Variants in DNAH12 observed in about 807,000 individuals in gnomAD.
DNAH12 encodes dynein axonemal heavy chain 12, also known as axonemal beta dynein heavy chain 12.
In DNAH12, 285 loss-of-function variants were observed where a neutral mutation model predicts 371.5. The observed-to-expected ratio is 0.77, with a 90% CI of 0.70 to 0.85. The LOEUF is 0.85. Among genes scored for constraint, DNAH12 ranks in the 40% least tolerant of loss-of-function variants. The pLI, the probability that DNAH12 is intolerant of heterozygous loss-of-function variation, is 0.00. For missense variants in DNAH12, 3,611 were observed against 3,689.4 expected (o/e 0.98, Z 0.55); for synonymous variants, 1,200 against 1,213.0 (o/e 0.99, Z 0.22).
At chr3:57,502,690 C>T (rs1272053797) in intron 9 of DNAH12, among the ~76,000 whole-genome samples, 1 of 152,158 alleles carries the variant, frequency 6.6e-6, no homozygotes, top group African/African-American at 2.4e-5. Context: ...GCTAGGATTA[C>T]AGGCGCACGC....
the DNAH12 span, among the ~76,000 whole-genome samples, chr3:57,549,388 G>A: frequency 3.0e-4 from 46 of 151,128 alleles, no homozygotes; most frequent in African/African-American, 1.0e-3. Flanking sequence ...ATGGTGGTGC[G>A]CGCCTGTAGT....
rs1553681988 is a variant in DNAH12 at position 57,408,464 on chromosome 3, C to T, written c.6092G>A (p.Gly2031Asp). Reference protein sequence around the residue: ...IELIAAMGPPGGGRNPVTPRC... With the variant: ...IELIAAMGPPDGGRNPVTPRC... ...GGGAGTAACTGGATTTCTTCCACCACCTGGAGGGCCCATTGCAGCAATCAG... is the reference window on the plus strand; with the variant it reads ...GGGAGTAACTGGATTTCTTCCACCATCTGGAGGGCCCATTGCAGCAATCAG... The change falls in exon 40 of 74, where the codon GGT (glycine) becomes GAT (aspartate). Residue 2031 changes from glycine to aspartate, a missense_variant. Gly to Asp is a moderately conservative substitution (Grantham distance 94). Around this residue, in one of 3 missense-constraint regions of DNAH12, gnomAD observed 2,266 missense variants for 2,236.9 expected, o/e 1.01. Transcript: ENST00000495027. The T allele has an allele frequency of 1.9e-6, 3 of 1,551,520 alleles. No homozygotes were observed. Among genetic ancestry groups the T allele is most frequent in the East Asian group, 2.4e-5 (1 of 40,910 alleles).
intron 60 of DNAH12, among the ~76,000 whole-genome samples, chr3:57,345,257 T>C (rs2062510835): frequency 6.6e-6 from 1 of 152,134 alleles, no homozygotes; most frequent in Admixed American, 6.5e-5. Context: ...AACAATTCCA[T>C]TTTTTCTTGT....
intron 4 of DNAH12, among the ~76,000 whole-genome samples, chr3:57,523,038 A>G (rs1001266227): frequency 2.0e-5 from 3 of 152,086 alleles, no homozygotes; most frequent in African/African-American, 7.2e-5. Context: ...GAATGAAAAT[A>G]TTTACGTAAT....
In DNAH12 at chr3:57,379,166, C is replaced by A. The variant is rs1360140888; in HGVS notation, c.8215G>T (p.Val2739Phe). The change falls in exon 52 of 74, where the codon GTT becomes TTT. Residue 2739 changes from valine to phenylalanine, a missense_variant. Physicochemically the swap from Val to Phe is conservative, Grantham distance 50 (BLOSUM62 -1). Transcript: ENST00000495027. ...WIMAMEVYDR[V>F]AKVVAPKKAR... ...GCTAATGTTGAAAGTACCTTTGCAACTCTGTCGTACACTTCCATGGCCATG... is the reference window on the plus strand; with the variant it reads ...GCTAATGTTGAAAGTACCTTTGCAAATCTGTCGTACACTTCCATGGCCATG... The A allele has an allele frequency of 6.6e-6, 1 of 152,138 alleles. No homozygotes were observed. The highest frequency in any genetic ancestry group is 1.5e-5 in the Non-Finnish European group (1 of 68,036). The allele number at this position is 152,138 out of a possible 1,614,324, so 9.4% of individuals were successfully genotyped here.
chr3:57,397,776 TC>T (rs1266346281), intron 43 of DNAH12, among the ~76,000 whole-genome samples: 3 of 152,064 alleles, frequency 2.0e-5, no homozygotes, highest in Non-Finnish European at 4.4e-5. Flanking sequence ...GTCTGAAAGG[TC>T]CCAGAACCTC....
chr3:57,535,795 G>T (rs952986816), intron 2 of DNAH12, among the ~76,000 whole-genome samples: 6 of 150,596 alleles, frequency 4.0e-5, no homozygotes, highest in Admixed American at 6.6e-5. Context: ...TCCTGCCTTG[G>T]CCTCCCAAAG....
chr3:57,458,237 C>T lies in DNAH12; in HGVS notation c.2932-17G>A, dbSNP rs1470967739. ...AGCAAGAACCTAAACGAGACACATG[C>T]ATTCAAGTCAGCACTTTTATGCCAG... is the stretch of plus-strand genomic sequence containing the variant. On this transcript the variant is annotated splice_polypyrimidine_tract_variant and intron_variant, in intron 20 of 73. Coordinates refer to ENST00000495027, the MANE Select transcript of DNAH12 (RefSeq NM_001366028.2). 1.3e-6 allele frequency: 2 copies of T among 1,533,666 alleles called. No homozygotes were observed. Among genetic ancestry groups the T allele is most frequent in the Non-Finnish European group, 1.8e-6 (2 of 1,142,246 alleles).
intron 41 of DNAH12, 96 bp downstream of exon 41, chr3:57,405,557 G>A (rs2063998028): frequency 7.6e-7 from 1 of 1,319,100 alleles, no homozygotes; most frequent in South Asian, 1.6e-5. Flanking sequence ...AAAAGAATAT[G>A]TTCATTAAGA....
At chr3:57,451,780 T>G (rs1022395793) in intron 25 of DNAH12, among the ~76,000 whole-genome samples, 3 of 152,118 alleles carry the variant, frequency 2.0e-5, no homozygotes, top group Admixed American at 2.0e-4. Context: ...GTTAACTGTC[T>G]CTCTAAAGTA....
chr3:57,345,465 A>G (rs939349677), intron 60 of DNAH12, among the ~76,000 whole-genome samples: 22 of 152,166 alleles, frequency 1.4e-4, no homozygotes, highest in Admixed American at 7.2e-4. Context: ...TACTAAACAC[A>G]ACGAAAAATA....
chr3:57,479,412 T>A (rs972012022), intron 13 of DNAH12, among the ~76,000 whole-genome samples: 1 of 152,106 alleles, frequency 6.6e-6, no homozygotes, highest in African/African-American at 2.4e-5. Context: ...AGCACCCAGA[T>A]TCACAAAGCA....
intron 61 of DNAH12, 23 bp from the exon 62 acceptor site, chr3:57,334,632 T>G: frequency 6.6e-7 from 1 of 1,524,350 alleles, no homozygotes; most frequent in Non-Finnish European, 8.8e-7. Flanking sequence ...AGCTTAAGAA[T>G]TATTCTTTTT....
At chr3:57,478,813 C>G (rs1380236868) in intron 13 of DNAH12, among the ~76,000 whole-genome samples, 1 of 152,092 alleles carries the variant, frequency 6.6e-6, no homozygotes, top group African/African-American at 2.4e-5. Context: ...AATTTCATAT[C>G]CAGCCAAACT....
chr3:57,467,901 C>T (rs2066251841), intron 17 of DNAH12, among the ~76,000 whole-genome samples: 1 of 152,014 alleles, frequency 6.6e-6, no homozygotes, highest in South Asian at 2.1e-4. Context: ...AATGAGACAC[C>T]AAAACATCAA....
intron 52 of DNAH12, among the ~76,000 whole-genome samples, 186 bp downstream of exon 52, chr3:57,378,972 G>C (rs2063334402): frequency 1.3e-5 from 2 of 152,098 alleles, no homozygotes; most frequent in African/African-American, 4.8e-5. Flanking sequence ...GCCCCAACCA[G>C]GTTATGTTAT....
chr3:57,380,672 C>T (rs1456254196), intron 50 of DNAH12, among the ~76,000 whole-genome samples: 2 of 152,070 alleles, frequency 1.3e-5, no homozygotes, highest in Non-Finnish European at 2.9e-5. Context: ...ACCATGTTGG[C>T]CAGGCTGGTC....
intron 62 of DNAH12, among the ~76,000 whole-genome samples, chr3:57,326,803 T>C (rs1348385291): frequency 6.6e-6 from 1 of 152,182 alleles, no homozygotes; most frequent in Non-Finnish European, 1.5e-5. Context: ...GTGTGTTGTA[T>C]TCAGGAAACC....
rs1166808182 is a variant in DNAH12, at chr3:57,507,630, A to G, written c.897+13T>C. The G allele has an allele frequency of 1.5e-5, 24 of 1,558,034 alleles. No individual in the cohort carries two copies. Among genetic ancestry groups the G allele is most frequent in the Non-Finnish European group, 2.1e-5 (24 of 1,162,360 alleles). On this transcript the variant is annotated intron_variant, in intron 8 of 73. Coordinates refer to ENST00000495027, the MANE Select transcript of DNAH12 (RefSeq NM_001366028.2). ...AATAACATTATCATTTAATATATAT[A>G]AAGTGTATGTACCTGATTTGACATA... is the stretch of plus-strand genomic sequence containing the variant.
Sources: allele counts gnomAD v4.1 joint callset (sites outside exome capture counted in the v4.1 genomes callset), GRCh38; gene constraint gnomAD v4.1.1; regional missense constraint gnomAD v4.1.1; transcripts MANE v1.5; gene names NCBI Gene and HGNC (gene_info 2026-07-23, HGNC 2026-07-21).